Variants in ABI2 observed in about 807,000 individuals in gnomAD.
ABI2 encodes abelson interactor 2.
In ABI2, 25 loss-of-function variants were observed where a neutral mutation model predicts 59.2. The ratio of observed to expected loss-of-function variants is 0.42; its 90% confidence interval spans 0.31 to 0.59. The LOEUF (loss-of-function observed/expected upper bound fraction) is 0.59, where lower values mean the gene tolerates loss of function less well. ABI2 is among the 20% of genes least tolerant of loss of function. ABI2 has a pLI of 0.14. For missense variants in ABI2, 545 were observed against 681.8 expected (o/e 0.80, Z 2.23); for synonymous variants, 213 against 235.5 (o/e 0.90, Z 0.87).
chr2:203,337,725 T>A (rs1238258020), intron 1 of ABI2, among the ~76,000 whole-genome samples: 1 of 152,182 alleles, frequency 6.6e-6, no homozygotes, highest in Admixed American at 6.5e-5. Context: ...ACTTCCTGAT[T>A]TCAAACTATA....
At chr2:203,423,023 C>T (rs1289125681) in intron 11 of ABI2, among the ~76,000 whole-genome samples, 1 of 152,114 alleles carries the variant, frequency 6.6e-6, no homozygotes, top group Non-Finnish European at 1.5e-5. Flanking sequence ...ATCTTACTAG[C>T]ATTTTGATTT....
intron 2 of ABI2, among the ~76,000 whole-genome samples, chr2:203,369,493 C>T (rs1479048160): frequency 6.6e-6 from 1 of 152,064 alleles, no homozygotes; most frequent in African/African-American, 2.4e-5. Flanking sequence ...TACTCAGCCA[C>T]CCTAGATTTT....
intron 5 of ABI2, 27 bp downstream of exon 5, chr2:203,391,170 C>T (rs769070391): frequency 2.0e-6 from 3 of 1,473,094 alleles, no homozygotes; most frequent in Middle Eastern, 1.8e-4. Flanking sequence ...TAATTGAAAA[C>T]CATTTCATGT....
chr2:203,373,245 G>C (rs1021038530), intron 2 of ABI2, among the ~76,000 whole-genome samples: 2 of 152,192 alleles, frequency 1.3e-5, no homozygotes, highest in Non-Finnish European at 2.9e-5. Flanking sequence ...CGGATCACTC[G>C]CGGTTAGGAG....
intron 1 of ABI2, chr2:203,328,918 C>G (rs897613984): frequency 1.1e-4 from 30 of 264,572 alleles, no homozygotes; most frequent in African/African-American, 4.9e-4. Flanking sequence ...CACTCCGCGC[C>G]GGTCAGCGTT....
intron 1 of ABI2, among the ~76,000 whole-genome samples, chr2:203,362,724 T>TG (rs1322650225): frequency 2.2e-4 from 33 of 151,940 alleles, no homozygotes; most frequent in Admixed American, 8.6e-4. Flanking sequence ...ATGGGGTTTC[T>TG]CCATGTCGGG....
intron 1 of ABI2, among the ~76,000 whole-genome samples, chr2:203,345,779 C>G (rs2083051775): frequency 6.6e-6 from 1 of 151,924 alleles, no homozygotes; most frequent in African/African-American, 2.4e-5. Flanking sequence ...CTCCTGACCT[C>G]AAGTGATCCA....
chr2:203,396,811 C>A lies in ABI2; in HGVS notation c.877C>A (p.Pro293Thr). ...PAPAGSAGTP[P>T]LPATSASAPA... ...CCCTGCTGGCTCTGCTGGCACTCCT[C>A]CCCTTCCTGCTACTTCTGCATCTGC... Residue 293 changes from proline (P) to threonine (T), a missense_variant, in exon 8 of 12, where the codon CCC becomes ACC. Around this residue, in one of 4 missense-constraint regions of ABI2, gnomAD observed 410 missense variants for 435.6 expected, o/e 0.94. Coordinates refer to ENST00000261018, the MANE Select transcript of ABI2 (RefSeq NM_001375670.1). 6.5e-7 allele frequency: 1 copy of A among 1,533,556 alleles called. No individual in the cohort carries two copies. The highest frequency in any genetic ancestry group is 8.7e-7 in the Non-Finnish European group (1 of 1,145,904). The allele number at this position is 1,533,556 out of a possible 1,614,324, so 95.0% of individuals were successfully genotyped here. A position where few individuals can be genotyped will look rare whatever the true frequency, so the allele number is the denominator to read the frequency against.
chr2:203,376,520 A>T (rs1320323628), intron 2 of ABI2, among the ~76,000 whole-genome samples: 1 of 152,212 alleles, frequency 6.6e-6, no homozygotes, highest in Non-Finnish European at 1.5e-5. Flanking sequence ...CTGAGATTTG[A>T]TATAAAAAGC....
chr2:203,402,628 C>T lies in ABI2; in HGVS notation c.1086C>T (p.Pro362=). 1 of 1,606,380 alleles carries T rather than the reference C, an allele frequency of 6.2e-7. No individual in the cohort carries two copies. Among genetic ancestry groups the T allele is most frequent in the Non-Finnish European group, 8.5e-7 (1 of 1,177,450 alleles). Residue 362 remains proline (P), a synonymous_variant, in exon 9 of 12, where the codon CCC becomes CCT. Coordinates refer to ENST00000261018, the MANE Select transcript of ABI2 (RefSeq NM_001375670.1). ...ATAGGCCTGCCTCTCGCCATACTCC[C>T]CCAACAATAGGGGGCTCGTTGCCCT... The part of the protein sequence containing the change: ...SMNRPASRHT[P]PTIGGSLPYR...
intron 1 of ABI2, among the ~76,000 whole-genome samples, chr2:203,352,809 T>C (rs2089708544): frequency 6.6e-6 from 1 of 152,260 alleles, no homozygotes; most frequent in Non-Finnish European, 1.5e-5. Flanking sequence ...AGACATGTTC[T>C]AGTCCTGTAA....
intron 2 of ABI2, among the ~76,000 whole-genome samples, chr2:203,378,725 G>T (rs2095885224): frequency 1.3e-5 from 2 of 152,144 alleles, no homozygotes; most frequent in Non-Finnish European, 2.9e-5. Context: ...CATTGAAGTG[G>T]GACTGGGGAG....
At chr2:203,357,436 T>C (rs1313880134) in intron 1 of ABI2, among the ~76,000 whole-genome samples, 4 of 152,210 alleles carry the variant, frequency 2.6e-5, no homozygotes, top group Non-Finnish European at 1.5e-5. Context: ...CAACCACAAA[T>C]GTAGCAAATA....
At chr2:203,359,420 A>G (rs1321693007) in intron 1 of ABI2, among the ~76,000 whole-genome samples, 1 of 152,212 alleles carries the variant, frequency 6.6e-6, no homozygotes, top group African/African-American at 2.4e-5. Context: ...ATGTACAAAG[A>G]TCCCAAATCT....
At chr2:203,380,100 A>G in intron 2 of ABI2, 108 bp from the exon 3 acceptor site, 1 of 663,854 alleles carries the variant, frequency 1.5e-6, no homozygotes, top group Non-Finnish European at 2.4e-6. Flanking sequence ...TAGCAAGCAT[A>G]GTTTAGAATA....
At chr2:203,346,605 C>T (rs1390321644) in intron 1 of ABI2, among the ~76,000 whole-genome samples, 2 of 152,204 alleles carry the variant, frequency 1.3e-5, no homozygotes, top group Non-Finnish European at 2.9e-5. Flanking sequence ...TTAACTCTTT[C>T]TCCCCCACCA....
At chr2:203,399,717 G>C in intron 8 of ABI2, among the ~76,000 whole-genome samples, 1 of 152,208 alleles carries the variant, frequency 6.6e-6, no homozygotes, top group South Asian at 2.1e-4. Flanking sequence ...GTTTCACCAC[G>C]TTGGCCAGGT....
intron 1 of ABI2, among the ~76,000 whole-genome samples, chr2:203,350,998 A>G (rs1314300859): frequency 6.6e-6 from 1 of 152,010 alleles, no homozygotes; most frequent in Non-Finnish European, 1.5e-5. Context: ...TTACATTTAG[A>G]TCTTTGATCC....
At position 203,402,726 on chromosome 2, in the gene ABI2, A is replaced by G. The variant is rs756930728; in HGVS notation, c.1184A>G (p.Gln395Arg). 2 of 1,577,826 alleles carry G rather than the reference A, an allele frequency of 1.3e-6. No individual in the cohort carries two copies. Among genetic ancestry groups the G allele is most frequent in the Non-Finnish European group, 1.7e-6 (2 of 1,168,626 alleles). ...NQMNGGPFYSQNPVSLAPPPP... is the reference protein window; with the variant it reads ...NQMNGGPFYSRNPVSLAPPPP... ...ATGAATGGAGGACCTTTTTATAGCC[A>G]GAATCCAGGTTAGTTTTTTTGTTTT... The change falls in exon 9 of 12, where the codon CAG becomes CGG. Residue 395 changes from glutamine (Q) to arginine (R), a missense_variant. Around this residue, in one of 4 missense-constraint regions of ABI2, gnomAD observed 410 missense variants for 435.6 expected, o/e 0.94. Transcript: ENST00000261018.
Sources: allele counts gnomAD v4.1 joint callset (sites outside exome capture counted in the v4.1 genomes callset), GRCh38; gene constraint gnomAD v4.1.1; regional missense constraint gnomAD v4.1.1; transcripts MANE v1.5; gene names NCBI Gene and HGNC (gene_info 2026-07-23, HGNC 2026-07-21).